Variants in PRKN observed in about 807,000 individuals in gnomAD.
PRKN encodes the protein parkin RBR E3 ubiquitin protein ligase.
In PRKN, 56 loss-of-function variants were observed where a neutral mutation model predicts 59.5. That is an observed-to-expected ratio of 0.94 (90% CI 0.76 to 1.18). The LOEUF (loss-of-function observed/expected upper bound fraction) is 1.18. Ranked by LOEUF, PRKN falls within the 50% of genes most tolerant of loss-of-function variation. The probability of loss-of-function intolerance (pLI) is 0.00; values close to 1 mark genes in which losing one functional copy is unlikely to be tolerated. For missense variants in PRKN, 657 were observed against 596.4 expected (o/e 1.10, Z -1.06); for synonymous variants, 250 against 222.1 (o/e 1.13, Z -1.12).
chr6:162,678,505 G>T (rs9347679), intron 1 of PRKN, among the ~76,000 whole-genome samples: 1 of 152,096 alleles, frequency 6.6e-6, no homozygotes. Flanking sequence ...GTGTATAATA[G>T]CATTTCATTG....
At chr6:161,613,925 G>T (rs1186983058) in intron 7 of PRKN, among the ~76,000 whole-genome samples, 4 of 152,224 alleles carry the variant, frequency 2.6e-5, no homozygotes, top group African/African-American at 9.6e-5. Context: ...CAAGATCAAA[G>T]TCCAGCACTG....
At chr6:161,420,812 A>C (rs184128986) in intron 9 of PRKN, among the ~76,000 whole-genome samples, 3 of 152,294 alleles carry the variant, frequency 2.0e-5, no homozygotes, top group African/African-American at 4.8e-5. Flanking sequence ...TGATTTTACA[A>C]ATGAAGAAAG....
intron 1 of PRKN, among the ~76,000 whole-genome samples, chr6:162,594,850 A>T: frequency 6.6e-6 from 1 of 152,210 alleles, no homozygotes; most frequent in East Asian, 1.9e-4. Context: ...TTCCTTTCTT[A>T]GAGCTTATTT....
rs1785865172 is a variant in PRKN, at chr6:161,379,232, G to A, written c.1167+7562C>T. On this transcript the variant is annotated intron_variant, in intron 10 of 11. Transcript: ENST00000366898. This position sits in a 1 kb window ranked among gnomAD's most constrained non-coding sequence, Gnocchi z 4.9. Reference sequence around the variant, plus strand: ...GTCATGGCTTTAGAATGGCACCCAGGAGCCTGGACCCATCAGGGATGATGT... The same window carrying A: ...GTCATGGCTTTAGAATGGCACCCAGAAGCCTGGACCCATCAGGGATGATGT... Among the ~76,000 whole-genome samples the A allele has an allele frequency of 6.6e-6, 1 of 152,228 alleles. No individual in the cohort carries two copies. The highest frequency in any genetic ancestry group is 3.4e-3 in the Middle Eastern group (1 of 294).
chr6:161,853,931 C>T (rs922920059), intron 6 of PRKN, among the ~76,000 whole-genome samples: 3 of 151,960 alleles, frequency 2.0e-5, no homozygotes, highest in Non-Finnish European at 4.4e-5. Flanking sequence ...ACAACGAACA[C>T]AAAAGAACAG....
intron 2 of PRKN, among the ~76,000 whole-genome samples, chr6:162,364,409 G>A (rs1785308879): frequency 6.6e-6 from 1 of 152,052 alleles, no homozygotes; most frequent in African/African-American, 2.4e-5. Context: ...TCAAACAGAA[G>A]AAATTCCAAA....
chr6:161,445,798 C>T lies in PRKN; in HGVS notation c.1084-58921G>A, dbSNP rs1789459063. Among the ~76,000 whole-genome samples the T allele has an allele frequency of 4.1e-5, 1 of 24,428 alleles. No homozygotes were observed. The highest frequency in any genetic ancestry group is 8.8e-5 in the African/African-American group (1 of 11,314). 16.0% of individuals were successfully genotyped at this position (24,428 alleles called of 152,430 possible). On this transcript the variant is annotated intron_variant, in intron 9 of 11. Transcript: ENST00000366898. The surrounding 1 kb of genome is among the most constrained non-coding windows in gnomAD (Gnocchi z 7.7). ...CGCCAGCAAAGAATACAAGGGGTTT[C>T]CCTTCCCTTCCCTTCCCTTCCCTTC...
intron 2 of PRKN, among the ~76,000 whole-genome samples, chr6:162,418,978 G>A (rs1037432216): frequency 3.9e-5 from 6 of 151,936 alleles, no homozygotes; most frequent in African/African-American, 9.7e-5. Flanking sequence ...CTGGGAAGCA[G>A]GCACAAGGGA....
intron 6 of PRKN, among the ~76,000 whole-genome samples, chr6:161,930,728 G>A (rs1465616627): frequency 2.0e-5 from 3 of 152,194 alleles, no homozygotes; most frequent in Non-Finnish European, 4.4e-5. Flanking sequence ...ATAATCAGCT[G>A]ATCTTCAGAT....
chr6:162,312,626 C>G (rs954392661), intron 2 of PRKN, among the ~76,000 whole-genome samples: 12 of 152,126 alleles, frequency 7.9e-5, no homozygotes, highest in African/African-American at 2.9e-4. Context: ...CTAACATTCC[C>G]AGACATCGAA....
intron 4 of PRKN, among the ~76,000 whole-genome samples, chr6:162,055,214 G>A (rs995570991): frequency 4.6e-5 from 7 of 152,154 alleles, no homozygotes; most frequent in African/African-American, 1.7e-4. Flanking sequence ...GCAGATAGGG[G>A]AGAGGGCACA....
At chr6:162,471,378 G>GC in intron 1 of PRKN, among the ~76,000 whole-genome samples, 1 of 152,126 alleles carries the variant, frequency 6.6e-6, no homozygotes, top group Non-Finnish European at 1.5e-5. Flanking sequence ...GATTACAGGC[G>GC]TGAGCCACTG....
At position 161,390,100 on chromosome 6, in the gene PRKN, C is replaced by A. The variant is rs1174952692; in HGVS notation, c.1084-3223G>T. On this transcript the variant is annotated intron_variant, in intron 9 of 11. Transcript: ENST00000366898. The surrounding 1 kb of genome is among the most constrained non-coding windows in gnomAD (Gnocchi z 7.0). ...ATAATTTAAATTTAGATCTATCATG[C>A]AGTGGTCCTTCCCAATTAAGTAACA... Among the ~76,000 whole-genome samples the A allele has an allele frequency of 6.6e-6, 1 of 152,176 alleles. No homozygotes were observed. The highest frequency in any genetic ancestry group is 1.5e-5 in the Non-Finnish European group (1 of 68,032).
intron 3 of PRKN, among the ~76,000 whole-genome samples, chr6:162,249,080 A>G (rs1180903293): frequency 6.6e-6 from 1 of 152,046 alleles, no homozygotes; most frequent in Non-Finnish European, 1.5e-5. Flanking sequence ...AGGTTTCACC[A>G]TGTTGGCCAG....
At chr6:162,220,801 A>T (rs761201368) in intron 3 of PRKN, among the ~76,000 whole-genome samples, 1 of 152,212 alleles carries the variant, frequency 6.6e-6, no homozygotes, top group Non-Finnish European at 1.5e-5. Flanking sequence ...TTACCGAATG[A>T]CTGAAATTTG....
At chr6:161,729,075 A>G (rs1787568457) in intron 7 of PRKN, among the ~76,000 whole-genome samples, 1 of 152,244 alleles carries the variant, frequency 6.6e-6, no homozygotes, top group East Asian at 1.9e-4. Flanking sequence ...ACATACAACA[A>G]TTATTCTTCC....
At chr6:162,049,174 G>A (rs528074340) in intron 5 of PRKN, among the ~76,000 whole-genome samples, 1 of 151,602 alleles carries the variant, frequency 6.6e-6, no homozygotes, top group Admixed American at 6.6e-5. Context: ...TATCTTTAAG[G>A]GTATAAATAT....
chr6:162,148,268 T>G (rs1782113890), intron 4 of PRKN, among the ~76,000 whole-genome samples: 1 of 152,194 alleles, frequency 6.6e-6, no homozygotes, highest in African/African-American at 2.4e-5. Flanking sequence ...CCAACCAGTA[T>G]TCCACCTTTT....
intron 4 of PRKN, among the ~76,000 whole-genome samples, chr6:162,185,004 C>G (rs1471094564): frequency 1.3e-5 from 2 of 152,106 alleles, no homozygotes; most frequent in African/African-American, 4.8e-5. Flanking sequence ...GTCTTCTGTT[C>G]TGACTAATCT....
Sources: gnomAD v4.1 joint callset for allele counts (sites outside exome capture counted in the v4.1 genomes callset) on GRCh38, gnomAD v4.1.1 for gene constraint, Gnocchi (gnomAD v3.1) non-coding constraint, MANE v1.5 for transcripts, NCBI Gene and HGNC (gene_info 2026-07-23, HGNC 2026-07-21) for gene names.